The following SLC37A3 variants were observed in gnomAD, a reference collection of about 807,000 sequenced individuals.
SLC37A3 encodes the protein solute carrier family 37 member 3.
A neutral mutation model predicts 67.1 loss-of-function variants in SLC37A3; 51 were observed. That is an observed-to-expected ratio of 0.76 (90% CI 0.61 to 0.96). The LOEUF is 0.96. Among genes scored for constraint, SLC37A3 ranks in the 40% least tolerant of loss-of-function variants. SLC37A3 has a pLI of 0.00. For synonymous variants in SLC37A3, 214 were observed against 231.4 expected (o/e 0.92, Z 0.68); for missense variants, 508 against 603.0 (o/e 0.84, Z 1.65).
At position 140,382,573 on chromosome 7, in the gene SLC37A3, A is replaced by G; in HGVS notation, c.-47T>C. On this transcript the variant is annotated 5_prime_UTR_variant, in exon 2 of 15. Transcript: ENST00000326232. ...CACCTTTGACCTTAAGGTTTGGATGAGTGATTTACATCATTTCTTCCTTCT... is the reference window on the plus strand; with the variant it reads ...CACCTTTGACCTTAAGGTTTGGATGGGTGATTTACATCATTTCTTCCTTCT... 3 of 1,496,578 alleles carry G rather than the reference A, an allele frequency of 2.0e-6. No individual in the cohort carries two copies. Among genetic ancestry groups the G allele is most frequent in the Non-Finnish European group, 2.8e-6 (3 of 1,075,816 alleles). 92.7% of individuals were successfully genotyped at this position (1,496,578 alleles called of 1,614,324 possible). A position where few individuals can be genotyped will look rare whatever the true frequency, so the allele number is the denominator to read the frequency against.
chr7:140,335,768 G>A (rs1418303318), intron 14 of SLC37A3, among the ~76,000 whole-genome samples: 1 of 152,156 alleles, frequency 6.6e-6, no homozygotes, highest in African/African-American at 2.4e-5. Flanking sequence ...GAGACCAGAG[G>A]CTCAGATGAA....
At chr7:140,344,543 G>A (rs1796478185) in intron 12 of SLC37A3, among the ~76,000 whole-genome samples, 1 of 152,102 alleles carries the variant, frequency 6.6e-6, no homozygotes, top group South Asian at 2.1e-4. Flanking sequence ...ATCACCTGAG[G>A]TCAGGAGTTT....
chr7:140,364,586 T>TA, intron 4 of SLC37A3, 95 bp from the exon 5 acceptor site: 1 of 1,151,822 alleles, frequency 8.7e-7, no homozygotes, highest in Non-Finnish European at 1.3e-6. Flanking sequence ...ACACAGATAT[T>TA]ATTTAAAATT....
At chr7:140,384,209 G>A (rs1163760080) in intron 1 of SLC37A3, among the ~76,000 whole-genome samples, 1 of 152,082 alleles carries the variant, frequency 6.6e-6, no homozygotes, top group Non-Finnish European at 1.5e-5. Context: ...ATGAGAAAAT[G>A]TCAAGTGAAA....
At chr7:140,350,384 T>C (rs949036581) in intron 9 of SLC37A3, among the ~76,000 whole-genome samples, 3 of 152,148 alleles carry the variant, frequency 2.0e-5, no homozygotes, top group African/African-American at 7.2e-5. Flanking sequence ...GTGTAGACGT[T>C]AGAAGGCTTT....
chr7:140,349,486 A>G (rs1796706011), intron 9 of SLC37A3, among the ~76,000 whole-genome samples: 1 of 149,690 alleles, frequency 6.7e-6, no homozygotes. Context: ...TGAGACTCCT[A>G]TATTCAACAC....
intron 9 of SLC37A3, among the ~76,000 whole-genome samples, chr7:140,350,191 G>C (rs1354049064): frequency 6.6e-6 from 1 of 152,286 alleles, no homozygotes; most frequent in South Asian, 2.1e-4. Context: ...CCAGGGAAGA[G>C]TGGAATAATT....
rs186249445 is a variant in SLC37A3, at chr7:140,354,673, G to C, written c.618+995C>G. ...TCAAATTCTGTATCTTTCTGTTGTTGGTCTTTTTCTTATCAATTCATGGAT... is the reference window on the plus strand; with the variant it reads ...TCAAATTCTGTATCTTTCTGTTGTTCGTCTTTTTCTTATCAATTCATGGAT... On this transcript the variant is annotated intron_variant, in intron 7 of 14. Transcript: ENST00000326232. Among the ~76,000 whole-genome samples the C allele has an allele frequency of 1.7e-4, 25 of 150,644 alleles. 1 individual carries two copies. Among genetic ancestry groups the C allele is most frequent in the African/African-American group, 5.8e-4 (24 of 41,064 alleles).
intron 13 of SLC37A3, 39 bp from the exon 14 acceptor site, chr7:140,337,388 A>G (rs1006778716): frequency 2.0e-6 from 3 of 1,478,402 alleles, no homozygotes; most frequent in Non-Finnish European, 2.7e-6. Context: ...ATAATTCTTT[A>G]TAATTCATAA....
In SLC37A3 at chr7:140,355,748, CA is replaced by C. The variant is rs887174987; in HGVS notation, c.537del (p.Phe179LeufsTer18). On this transcript the variant is annotated frameshift_variant, in exon 7 of 15. Transcript: ENST00000326232. LOFTEE classifies it high-confidence loss of function. ...ACCGAAGCACAGGCACTCCAGAGAC[CA>C]AAAACAACTCCTCGTCTAAGATGGA... ...WFGKAGRGVV[F>X]GLWSACASVG... The C allele has an allele frequency of 3.7e-6, 6 of 1,612,460 alleles. No homozygotes were observed. The highest frequency in any genetic ancestry group is 3.4e-6 in the Non-Finnish European group (4 of 1,179,226).
intron 1 of SLC37A3, among the ~76,000 whole-genome samples, chr7:140,387,687 T>A (rs1798516539): frequency 9.2e-6 from 1 of 109,222 alleles, no homozygotes; most frequent in Non-Finnish European, 1.7e-5. Context: ...ATAAATATAT[T>A]ATATATATTA....
At chr7:140,352,843 G>C (rs936953878) in intron 7 of SLC37A3, among the ~76,000 whole-genome samples, 1 of 152,120 alleles carries the variant, frequency 6.6e-6, no homozygotes, top group African/African-American at 2.4e-5. Flanking sequence ...CTGCACAGCT[G>C]AATTTTTATT....
chr7:140,360,482 C>G (rs1235344391), intron 5 of SLC37A3, among the ~76,000 whole-genome samples: 1 of 152,024 alleles, frequency 6.6e-6, no homozygotes, highest in Non-Finnish European at 1.5e-5. Context: ...CCCTGTAATC[C>G]CAGCACTTTG....
chr7:140,351,651 A>C, intron 8 of SLC37A3, 200 bp from the exon 9 acceptor site: 1 of 590,950 alleles, frequency 1.7e-6, no homozygotes, highest in Non-Finnish European at 3.0e-6. Flanking sequence ...GAAGAATTGT[A>C]CATCTGTTTG....
chr7:140,365,321 G>A (rs1477436088), intron 4 of SLC37A3, among the ~76,000 whole-genome samples: 24 of 152,248 alleles, frequency 1.6e-4, no homozygotes, highest in African/African-American at 4.8e-4. Context: ...TTGGCTGGGC[G>A]TGGTGTCTCA....
At chr7:140,380,191 CA>C (rs1483336365) in intron 3 of SLC37A3, 90 bp downstream of exon 3, 5 of 675,048 alleles carry the variant, frequency 7.4e-6, no homozygotes, top group Non-Finnish European at 1.3e-5. Flanking sequence ...AGAGTCTAGG[CA>C]AGTAAAAGAT....
At chr7:140,381,950 G>T (rs560424683) in intron 2 of SLC37A3, among the ~76,000 whole-genome samples, 3 of 149,658 alleles carry the variant, frequency 2.0e-5, no homozygotes, top group African/African-American at 7.4e-5. Flanking sequence ...GGAGGCGGAG[G>T]TTGCAGTGAG....
chr7:140,371,143 T>G (rs1797802402), intron 3 of SLC37A3, among the ~76,000 whole-genome samples: 1 of 152,188 alleles, frequency 6.6e-6, no homozygotes, highest in African/African-American at 2.4e-5. Flanking sequence ...GTGGCCAGTC[T>G]GCAGAACCAC....
rs1211485015 is a variant in SLC37A3 at position 140,348,453 on chromosome 7, TTTTCTTTTC to T, written c.1024+164_1024+172del. ...TATGGACCTCTTGTTTTTTCTTTTC[TTTTCTTTTC>T]TTTTTTTTTTTTTTTTGAGTTTGGC... On this transcript the variant is annotated intron_variant, in intron 10 of 14. Coordinates refer to ENST00000326232, the MANE Select transcript of SLC37A3 (RefSeq NM_207113.3). 5.9e-4 allele frequency: 387 copies of T among 660,804 alleles called. 2 individuals are homozygous for T. In the African/African-American group the frequency reaches 8.1e-3, roughly 14 times the overall value. 40.9% of individuals were successfully genotyped at this position (660,804 alleles called of 1,614,324 possible). A position where few individuals can be genotyped will look rare whatever the true frequency, so the allele number is the denominator to read the frequency against.
Sources: allele counts gnomAD v4.1 joint callset (sites outside exome capture counted in the v4.1 genomes callset), GRCh38; gene constraint gnomAD v4.1.1; transcripts MANE v1.5; gene names NCBI Gene and HGNC (gene_info 2026-07-23, HGNC 2026-07-21).